Variants in CACNB1 observed in about 807,000 individuals in gnomAD.
CACNB1 encodes voltage-dependent L-type calcium channel subunit beta-1.
CACNB1 carries 29 observed loss-of-function variants against 71.6 expected under a neutral mutation model. That is an observed-to-expected ratio of 0.40 (90% CI 0.30 to 0.55). CACNB1 has a LOEUF of 0.55. CACNB1 is among the 20% of genes least tolerant of loss of function. The pLI is 0.38. For missense variants in CACNB1, 623 were observed against 801.8 expected (o/e 0.78, Z 2.69); for synonymous variants, 300 against 319.6 (o/e 0.94, Z 0.65).
At position 39,175,001 on chromosome 17, in the gene CACNB1, C is replaced by A; in HGVS notation, c.*192G>T. ...CCATCCACAACAGGCAGGTAAAAAC[C>A]GACAGCTGGGGCTTAAGGGCCTCCC... On this transcript the variant is annotated 3_prime_UTR_variant, in exon 14 of 14. Coordinates refer to ENST00000394303, the MANE Select transcript of CACNB1 (RefSeq NM_000723.5). The surrounding 1 kb of genome is among the most constrained non-coding windows in gnomAD (Gnocchi z 4.7). 1.7e-6 allele frequency: 1 copy of A among 593,760 alleles called. No individual in the cohort carries two copies. Among genetic ancestry groups the A allele is most frequent in the Non-Finnish European group, 3.0e-6 (1 of 337,014 alleles). 36.8% of individuals were successfully genotyped at this position (593,760 alleles called of 1,614,324 possible).
chr17:39,181,228 G>T (rs910460068), intron 11 of CACNB1, among the ~76,000 whole-genome samples: 4 of 152,030 alleles, frequency 2.6e-5, no homozygotes, highest in South Asian at 2.1e-4. Context: ...TGAGTAGCTG[G>T]AATTACAGGT....
intron 11 of CACNB1, among the ~76,000 whole-genome samples, chr17:39,182,324 C>CAA (rs56792654): frequency 0.037 from 4,746 of 129,958 alleles, 196 homozygotes; most frequent in African/African-American, 0.1. Flanking sequence ...AAGGCTGTCT[C>CAA]AAAAAAAAAA....
At chr17:39,181,598 G>A (rs1049143367) in intron 11 of CACNB1, among the ~76,000 whole-genome samples, 1 of 152,164 alleles carries the variant, frequency 6.6e-6, no homozygotes, top group Admixed American at 6.5e-5. Flanking sequence ...GGGGGAAATG[G>A]AAGCATTGGT....
chr17:39,177,417 G>A lies in CACNB1; in HGVS notation c.1265C>T (p.Pro422Leu), dbSNP rs779454713. The change falls in exon 13 of 14, where the codon CCG (proline) becomes CTG (leucine). Residue 422 changes from proline to leucine, a missense_variant. Pro to Leu is a moderately conservative substitution (Grantham distance 98). Transcript: ENST00000394303. ...GGTAGCCATGGTGCGGTTCAGCAGC[G>A]GATTGGGTGGCGTGCTGCTGGGCGG... Reference protein sequence around the residue: ...THPPSSTPPNPLLNRTMATAA... With the variant: ...THPPSSTPPNLLLNRTMATAA... 1.2e-6 allele frequency: 2 copies of A among 1,613,798 alleles called. No individual in the cohort carries two copies. The highest frequency in any genetic ancestry group is 1.7e-6 in the Non-Finnish European group (2 of 1,179,900).
intron 11 of CACNB1, among the ~76,000 whole-genome samples, chr17:39,178,534 C>A (rs2045654152): frequency 6.6e-6 from 1 of 152,030 alleles, no homozygotes; most frequent in Admixed American, 6.6e-5. Context: ...CACGTGCCAT[C>A]ATACCCCACT....
intron 3 of CACNB1, among the ~76,000 whole-genome samples, chr17:39,187,966 T>C (rs916915100): frequency 3.3e-5 from 5 of 151,798 alleles, no homozygotes; most frequent in African/African-American, 1.2e-4. Context: ...TGAGCCAAGA[T>C]TGTGTCACTG....
Position 39,177,554 on chromosome 17 carries a change from G to T in CACNB1, c.1147-19C>A. 1 of 1,567,804 alleles carries T rather than the reference G, an allele frequency of 6.4e-7. No individual in the cohort carries two copies. Among genetic ancestry groups the T allele is most frequent in the Non-Finnish European group, 8.7e-7 (1 of 1,154,928 alleles). ...ACATTTCCTGTGAAGGCGGGGTTAG[G>T]GGGCAGGGCTGGGATGAGTGGGGCA... On this transcript the variant is annotated intron_variant, in intron 12 of 13. Coordinates refer to ENST00000394303, the MANE Select transcript of CACNB1 (RefSeq NM_000723.5).
chr17:39,179,280 C>CAAAAA (rs35292368), intron 11 of CACNB1, among the ~76,000 whole-genome samples: 1 of 48,654 alleles, frequency 2.1e-5, no homozygotes, highest in African/African-American at 7.0e-5. Flanking sequence ...GACTCCGTCT[C>CAAAAA]AAAAAAAAAA....
rs2144181344 is a variant in CACNB1 at position 39,194,367 on chromosome 17, C to A, written c.171+517G>T. On this transcript the variant is annotated intron_variant, in intron 2 of 13. Coordinates refer to ENST00000394303, the MANE Select transcript of CACNB1 (RefSeq NM_000723.5). This position sits in a 1 kb window ranked among gnomAD's most constrained non-coding sequence, Gnocchi z 4.6. ...AATCAACAGCCTCATGCCTCAACCA[C>A]CCCCACCCCCGTCACCATCACCCTT... is the stretch of plus-strand genomic sequence containing the variant. Among the ~76,000 whole-genome samples the A allele has an allele frequency of 6.6e-6, 1 of 152,204 alleles. No individual in the cohort carries two copies. The highest frequency in any genetic ancestry group is 1.9e-4 in the East Asian group (1 of 5,188).
chr17:39,176,273 G>A (rs1232685857), intron 13 of CACNB1, among the ~76,000 whole-genome samples: 1 of 152,188 alleles, frequency 6.6e-6, no homozygotes, highest in Non-Finnish European at 1.5e-5. Flanking sequence ...TACTGAAGAT[G>A]AAGAGGTGGC....
At position 39,177,492 on chromosome 17, in the gene CACNB1, G is replaced by A. The variant is rs745917788; in HGVS notation, c.1190C>T (p.Ala397Val). The A allele has an allele frequency of 5.0e-6, 8 of 1,607,944 alleles. No homozygotes were observed. Among genetic ancestry groups the A allele is most frequent in the Non-Finnish European group, 6.8e-6 (8 of 1,175,660 alleles). Residue 397 changes from alanine (A) to valine (V), a missense_variant, in exon 13 of 14, where the codon GCC becomes GTC. Physicochemically the swap from Ala to Val is moderately conservative, Grantham distance 64. Transcript: ENST00000394303. Reference sequence around the variant, plus strand: ...CAAGTACTCCGCCAGATGCTCGCAGGCATCCTCCAATTGGTTCTCATCCAG... The same window carrying A: ...CAAGTACTCCGCCAGATGCTCGCAGACATCCTCCAATTGGTTCTCATCCAG... ...IILDENQLED[A>V]CEHLAEYLEA...
At position 39,177,413 on chromosome 17, in the gene CACNB1, C is replaced by G. The variant is rs1332628319; in HGVS notation, c.1269G>C (p.Leu423=). ...CTGCGGTAGCCATGGTGCGGTTCAGCAGCGGATTGGGTGGCGTGCTGCTGG... is the reference window on the plus strand; with the variant it reads ...CTGCGGTAGCCATGGTGCGGTTCAGGAGCGGATTGGGTGGCGTGCTGCTGG... The part of the protein sequence containing the change: ...HPPSSTPPNP[L]LNRTMATAAL... Residue 423 remains leucine, a synonymous_variant, in exon 13 of 14, where the codon CTG becomes CTC. Transcript: ENST00000394303. 6.2e-7 allele frequency: 1 copy of G among 1,613,588 alleles called. No individual in the cohort carries two copies.
chr17:39,177,634 G>A, intron 12 of CACNB1, 99 bp from the exon 13 acceptor site: 1 of 927,454 alleles, frequency 1.1e-6, no homozygotes, highest in South Asian at 1.7e-5. Context: ...TCAAGGGATT[G>A]AAGGACAAGG....
intron 11 of CACNB1, among the ~76,000 whole-genome samples, chr17:39,179,773 G>A (rs190264452): frequency 1.3e-5 from 2 of 152,004 alleles, no homozygotes; most frequent in Admixed American, 6.6e-5. Context: ...GCTTGGCGTG[G>A]TAGCACATGC....
intron 11 of CACNB1, among the ~76,000 whole-genome samples, chr17:39,179,864 A>G (rs943678710): frequency 3.9e-5 from 6 of 151,902 alleles, no homozygotes; most frequent in Non-Finnish European, 8.8e-5. Flanking sequence ...AGCTGACATC[A>G]TGCCACTGCA....
In CACNB1 at chr17:39,186,149, G is replaced by A; in HGVS notation, c.628+347C>T. 1 of 1,562,032 alleles carries A rather than the reference G, an allele frequency of 6.4e-7. No homozygotes were observed. Among genetic ancestry groups the A allele is most frequent in the South Asian group, 1.1e-5 (1 of 88,894 alleles). On this transcript the variant is annotated intron_variant, in intron 6 of 13. Transcript: ENST00000394303. This position sits in a 1 kb window ranked among gnomAD's most constrained non-coding sequence, Gnocchi z 4.1. ...GAGAGGGAGGAGGGAGGCGAGGTGG[G>A]GAGAAGGAGTGAGATGAACGTGGAG... is the stretch of plus-strand genomic sequence containing the variant.
intron 11 of CACNB1, among the ~76,000 whole-genome samples, chr17:39,181,783 G>A (rs1321828299): frequency 3.9e-5 from 6 of 152,198 alleles, no homozygotes; most frequent in Non-Finnish European, 8.8e-5. Flanking sequence ...TAGGGAGGCT[G>A]AGGCAGGAGA....
At chr17:39,184,451 G>A (rs1279125561) in intron 8 of CACNB1, 68 bp from the exon 9 acceptor site, 6 of 888,936 alleles carry the variant, frequency 6.7e-6, no homozygotes, top group Non-Finnish European at 1.1e-5. Flanking sequence ...CAGACTCTGA[G>A]TCGCTGGGTA....
chr17:39,181,812 G>A (rs925616053), intron 11 of CACNB1, among the ~76,000 whole-genome samples: 3 of 152,122 alleles, frequency 2.0e-5, no homozygotes, highest in African/African-American at 7.2e-5. Flanking sequence ...GAGGTCAGGA[G>A]TTTGAGACCA....
Sources: allele counts gnomAD v4.1 joint callset (sites outside exome capture counted in the v4.1 genomes callset), GRCh38; gene constraint gnomAD v4.1.1; non-coding constraint Gnocchi (gnomAD v3.1); transcripts MANE v1.5; gene names NCBI Gene and HGNC (gene_info 2026-07-23, HGNC 2026-07-21).